ADGRL3: variants seen among roughly 807,000 people sequenced by gnomAD.
ADGRL3 encodes adhesion G protein-coupled receptor L3, also known as calcium-independent alpha-latrotoxin receptor 3.
ADGRL3 carries 62 observed loss-of-function variants against 153.5 expected under a neutral mutation model. The ratio of observed to expected loss-of-function variants is 0.40; its 90% CI spans 0.33 to 0.50. The LOEUF (loss-of-function observed/expected upper bound fraction) is 0.50, where lower values mean the gene tolerates loss of function less well. Among genes scored for constraint, ADGRL3 ranks in the 20% least tolerant of loss-of-function variants. The pLI, the probability that ADGRL3 is intolerant of heterozygous loss-of-function variation, is 0.47. For missense variants in ADGRL3, 1,641 were observed against 1,859.4 expected, an observed-to-expected ratio of 0.88 and a Z score of 2.16; for synonymous variants, 710 against 672.5, an observed-to-expected ratio of 1.06 and a Z score of -0.86.
intron 3 of ADGRL3, among the ~76,000 whole-genome samples, chr4:61,500,481 C>G (rs1277767512): frequency 6.6e-6 from 1 of 152,102 alleles, no homozygotes; most frequent in African/African-American, 2.4e-5. Context: ...TTTAGAGTCC[C>G]TATCAATCCT....
intron 8 of ADGRL3, among the ~76,000 whole-genome samples, chr4:61,767,324 T>C (rs1561213986): frequency 1.3e-5 from 2 of 149,898 alleles, no homozygotes; most frequent in African/African-American, 5.0e-5. Flanking sequence ...CTTAAAAGAG[T>C]ATTGTCTAAG....
intron 18 of ADGRL3, among the ~76,000 whole-genome samples, chr4:61,980,967 A>G (rs1383114511): frequency 1.3e-5 from 2 of 152,176 alleles, no homozygotes; most frequent in African/African-American, 4.8e-5. Flanking sequence ...TTGTGTGGAC[A>G]TATGTTTTTA....
chr4:61,223,779 A>G (rs918744648), intron 1 of ADGRL3, among the ~76,000 whole-genome samples: 1 of 152,208 alleles, frequency 6.6e-6, no homozygotes, highest in African/African-American at 2.4e-5. Flanking sequence ...TAGAAACGAC[A>G]ATATAGAAGC....
At chr4:61,698,903 G>C (rs1255636662) in intron 6 of ADGRL3, among the ~76,000 whole-genome samples, 1 of 152,126 alleles carries the variant, frequency 6.6e-6, no homozygotes, top group Admixed American at 6.5e-5. Flanking sequence ...TTAACTGTAG[G>C]GTTTTGACTT....
chr4:61,362,326 T>TTATATA (rs373888895), intron 1 of ADGRL3, among the ~76,000 whole-genome samples: 2 of 144,664 alleles, frequency 1.4e-5, no homozygotes, highest in Non-Finnish European at 3.0e-5. Context: ...TATTTGAAAA[T>TTATATA]TATATATATA....
intron 6 of ADGRL3, among the ~76,000 whole-genome samples, chr4:61,717,073 T>C (rs1411640643): frequency 6.6e-6 from 1 of 152,100 alleles, no homozygotes; most frequent in Non-Finnish European, 1.5e-5. Flanking sequence ...ATGTAATTGT[T>C]TGTGGTTAGT....
chr4:61,905,473 G>C lies in ADGRL3; in HGVS notation c.1888-4087G>C, dbSNP rs191422798. Among the ~76,000 whole-genome samples the C allele has an allele frequency of 3.3e-5, 5 of 152,200 alleles. No homozygotes were observed. The East Asian group carries it at 9.6e-4, about 29-fold the overall frequency. Reference sequence around the variant, plus strand: ...TGCTACTTTGATCTACATTGAGTTTGTTACATACATATCCTTGAACCCTAT... The same window carrying C: ...TGCTACTTTGATCTACATTGAGTTTCTTACATACATATCCTTGAACCCTAT... On this transcript the variant is annotated intron_variant, in intron 11 of 26. Transcript: ENST00000683033.
intron 1 of ADGRL3, among the ~76,000 whole-genome samples, chr4:61,302,635 C>T (rs551291409): frequency 3.9e-5 from 6 of 151,932 alleles, no homozygotes; most frequent in Admixed American, 6.6e-5. Flanking sequence ...TAACATTTTT[C>T]ATTATGCATA....
chr4:62,054,582 TTTAGA>T (rs1246599210), intron 25 of ADGRL3, among the ~76,000 whole-genome samples: 1 of 151,506 alleles, frequency 6.6e-6, no homozygotes, highest in African/African-American at 2.4e-5. Flanking sequence ...TAGTTCAGAT[TTTAGA>T]TTAAAGAGGG....
intron 8 of ADGRL3, among the ~76,000 whole-genome samples, chr4:61,758,974 A>G (rs954243997): frequency 9.9e-5 from 15 of 152,140 alleles, no homozygotes; most frequent in Non-Finnish European, 2.1e-4. Flanking sequence ...TCTGGGTTGA[A>G]AATTCTTTTC....
intron 12 of ADGRL3, among the ~76,000 whole-genome samples, chr4:61,912,457 A>G (rs1380719682): frequency 6.6e-6 from 1 of 152,140 alleles, no homozygotes; most frequent in African/African-American, 2.4e-5. Flanking sequence ...TACGAAATGT[A>G]TTCAAAGATT....
intron 1 of ADGRL3, among the ~76,000 whole-genome samples, chr4:61,285,527 G>A (rs2093902829): frequency 6.6e-6 from 1 of 151,674 alleles, no homozygotes; most frequent in Admixed American, 6.6e-5. Context: ...CACAGAAATG[G>A]GTTAGTATCC....
chr4:61,448,280 A>T (rs555046271), intron 2 of ADGRL3, among the ~76,000 whole-genome samples: 1 of 152,298 alleles, frequency 6.6e-6, no homozygotes, highest in Non-Finnish European at 1.5e-5. Context: ...TTGCTAAAAA[A>T]AATTTGCTGT....
intron 1 of ADGRL3, among the ~76,000 whole-genome samples, chr4:61,246,396 A>G (rs914996853): frequency 1.3e-5 from 2 of 151,872 alleles, no homozygotes; most frequent in Non-Finnish European, 2.9e-5. Flanking sequence ...CATCGGGGGG[A>G]GTTTAGTCAT....
intron 8 of ADGRL3, among the ~76,000 whole-genome samples, chr4:61,786,478 A>G (rs998551929): frequency 6.6e-6 from 1 of 152,182 alleles, no homozygotes; most frequent in Non-Finnish European, 1.5e-5. Flanking sequence ...CATTCGTGAG[A>G]TGATAAAATA....
intron 5 of ADGRL3, among the ~76,000 whole-genome samples, chr4:61,609,401 C>T (rs567089585): frequency 1.3e-5 from 2 of 152,078 alleles, no homozygotes; most frequent in South Asian, 2.1e-4. Flanking sequence ...ATTTTAAAAC[C>T]TTTATTAGGT....
At chr4:61,652,874 G>A (rs913173760) in intron 5 of ADGRL3, among the ~76,000 whole-genome samples, 1 of 152,084 alleles carries the variant, frequency 6.6e-6, no homozygotes, top group African/African-American at 2.4e-5. Context: ...TGATATGGAA[G>A]TGAATAATGT....
intron 8 of ADGRL3, among the ~76,000 whole-genome samples, chr4:61,776,187 A>C (rs1026584813): frequency 2.6e-5 from 4 of 152,170 alleles, no homozygotes; most frequent in African/African-American, 9.6e-5. Flanking sequence ...GGCGTGAGCC[A>C]CGGCGCCAAG....
At chr4:61,416,315 T>C (rs1294005360) in intron 2 of ADGRL3, among the ~76,000 whole-genome samples, 3 of 150,488 alleles carry the variant, frequency 2.0e-5, no homozygotes, top group Admixed American at 2.0e-4. Flanking sequence ...TTTTAATATT[T>C]CTATGCCTAT....
Sources: gnomAD v4.1 joint callset for allele counts (sites outside exome capture counted in the v4.1 genomes callset) on GRCh38, gnomAD v4.1.1 for gene constraint, MANE v1.5 for transcripts, NCBI Gene and HGNC (gene_info 2026-07-23, HGNC 2026-07-21) for gene names.